The following ASXL1 variants were observed in gnomAD, a reference collection of about 807,000 sequenced individuals.
ASXL1 encodes ASXL transcriptional regulator 1.
ASXL1 carries 65 observed loss-of-function variants against 89.1 expected under a neutral mutation model. The observed-to-expected ratio is 0.73, with a 90% CI of 0.60 to 0.90. The LOEUF (loss-of-function observed/expected upper bound fraction) is 0.90, where lower values mean the gene tolerates loss of function less well. Ranked by LOEUF, ASXL1 falls within the 40% of genes least tolerant of loss-of-function variation. The pLI, the probability that ASXL1 is intolerant of heterozygous loss-of-function variation, is 0.00. For synonymous variants in ASXL1, 739 were observed against 746.9 expected (o/e 0.99, Z 0.17); for missense variants, 1,786 against 1,942.9 (o/e 0.92, Z 1.52).
chr20:32,367,182 G>T (rs2048219487), intron 2 of ASXL1, among the ~76,000 whole-genome samples: 1 of 151,726 alleles, frequency 6.6e-6, no homozygotes, highest in Non-Finnish European at 1.5e-5. Context: ...TTCGAGACCA[G>T]CCTGGCCAAC....
chr20:32,429,530 G>C lies in ASXL1; in HGVS notation c.565+99G>C. On this transcript the variant is annotated intron_variant, in intron 7 of 12. Transcript: ENST00000375687. This position sits in a 1 kb window ranked among gnomAD's most constrained non-coding sequence, Gnocchi z 4.9. Reference sequence around the variant, plus strand: ...CTGACCTAATAGTGCGATACTAGGAGAGCTGTCGGGCCACAGGCAAGAGCC... The same window carrying C: ...CTGACCTAATAGTGCGATACTAGGACAGCTGTCGGGCCACAGGCAAGAGCC... 7.9e-7 allele frequency: 1 copy of C among 1,259,066 alleles called. No individual in the cohort carries two copies. The highest frequency in any genetic ancestry group is 1.2e-6 in the Non-Finnish European group (1 of 869,152). 78.0% of individuals were successfully genotyped at this position (1,259,066 alleles called of 1,614,324 possible). A position where few individuals can be genotyped will look rare whatever the true frequency, so the allele number is the denominator to read the frequency against.
At chr20:32,369,718 C>CTTT (rs386393629) in intron 4 of ASXL1, among the ~76,000 whole-genome samples, 29,519 of 94,520 alleles carry the variant, frequency 0.31, 5,823 homozygotes, top group East Asian at 0.64. Context: ...GCAGATGTGC[C>CTTT]TTTTTTTTTT....
At chr20:32,433,951 G>C (rs754367572) in intron 12 of ASXL1, 34 bp downstream of exon 12, 1 of 1,610,768 alleles carries the variant, frequency 6.2e-7, no homozygotes, top group South Asian at 1.1e-5. Flanking sequence ...CTGCCCTGGA[G>C]CCAGGTTTTC....
chr20:32,407,377 C>G (rs2048973666), intron 4 of ASXL1, among the ~76,000 whole-genome samples: 1 of 152,110 alleles, frequency 6.6e-6, no homozygotes, highest in South Asian at 2.1e-4. Context: ...TATATGTATA[C>G]ACACACATAT....
chr20:32,412,198 GTTTCATTCT>G (rs1411729735), intron 4 of ASXL1, among the ~76,000 whole-genome samples: 2 of 152,124 alleles, frequency 1.3e-5, no homozygotes, highest in Non-Finnish European at 2.9e-5. Context: ...CTTACTGGGG[GTTTCATTCT>G]AACTTTACCT....
At chr20:32,433,248 T>C (rs1368357935) in intron 11 of ASXL1, 36 bp from the exon 12 acceptor site, 1 of 1,613,960 alleles carries the variant, frequency 6.2e-7, no homozygotes, top group Non-Finnish European at 8.5e-7. Context: ...ATGTCCACTC[T>C]GGCCTGAAAC....
intron 3 of ASXL1, 52 bp downstream of exon 3, chr20:32,367,781 G>A (rs1310335780): frequency 1.3e-6 from 1 of 780,138 alleles, no homozygotes; most frequent in Non-Finnish European, 2.4e-6. Flanking sequence ...ACTTGTTTCT[G>A]CTTCTTGTTC....
At position 32,433,701 on chromosome 20, in the gene ASXL1, T is replaced by G. The variant is rs1198261193; in HGVS notation, c.1503T>G (p.Ser501=). ...AGCCAGACAACTTGGCACGTGCCTC[T>G]GCATCTCCAGACAGAATTCCTAGCC... ...QAEPDNLARA[S]ASPDRIPSLP... The change falls in exon 12 of 13, where the codon TCT becomes TCG. Residue 501 remains serine, a synonymous_variant. Transcript: ENST00000375687. 2 of 1,612,048 alleles carry G rather than the reference T, an allele frequency of 1.2e-6. No homozygotes were observed. Among genetic ancestry groups the G allele is most frequent in the Admixed American group, 3.3e-5 (2 of 59,896 alleles).
At chr20:32,389,859 C>T (rs2048642114) in intron 4 of ASXL1, among the ~76,000 whole-genome samples, 1 of 152,214 alleles carries the variant, frequency 6.6e-6, no homozygotes, top group Admixed American at 6.5e-5. Context: ...TGAGCCACCA[C>T]GCCCAGCCAA....
intron 4 of ASXL1, chr20:32,427,699 C>T (rs1039741297): frequency 2.0e-5 from 5 of 250,782 alleles, no homozygotes; most frequent in Non-Finnish European, 3.9e-5. Flanking sequence ...ACCTCCATGC[C>T]GTCTTTCGCT....
At chr20:32,398,606 T>TTTTTTTTTTGTTTG (rs1161696054) in intron 4 of ASXL1, among the ~76,000 whole-genome samples, 2 of 147,838 alleles carry the variant, frequency 1.4e-5, no homozygotes, top group South Asian at 2.1e-4. Flanking sequence ...TTTGTTTGTT[T>TTTTTTTTTTGTTTG]TTTTTTTTGT....
chr20:32,369,417 T>A (rs2048260596), intron 4 of ASXL1, among the ~76,000 whole-genome samples: 1 of 151,788 alleles, frequency 6.6e-6, no homozygotes, highest in South Asian at 2.1e-4. Context: ...CTCGGCTAAT[T>A]TTTTTATTTT....
intron 4 of ASXL1, among the ~76,000 whole-genome samples, chr20:32,404,401 T>A (rs1216251162): frequency 1.3e-5 from 2 of 152,244 alleles, no homozygotes; most frequent in Non-Finnish European, 2.9e-5. Context: ...TTTGGTAAAC[T>A]ATTATAAATG....
At chr20:32,406,974 T>C (rs562583614) in intron 4 of ASXL1, among the ~76,000 whole-genome samples, 24 of 152,116 alleles carry the variant, frequency 1.6e-4, no homozygotes, top group Non-Finnish European at 2.6e-4. Flanking sequence ...AAGGGAAGAC[T>C]AGTTTGGGGG....
At chr20:32,422,925 CATT>C in intron 4 of ASXL1, among the ~76,000 whole-genome samples, 1 of 152,020 alleles carries the variant, frequency 6.6e-6, no homozygotes, top group East Asian at 1.9e-4. Flanking sequence ...AAAGATCACC[CATT>C]ATTAATTTTT....
Position 32,435,313 on chromosome 20 carries a change from GC to G in ASXL1, c.2602del (p.Gly869ValfsTer7). Reference sequence around the variant, plus strand: ...ACAGAGCATTTGATGACGAATTAGGGCTTGGTGGCTCATGCCCTCCTATGAG... The same window carrying G: ...ACAGAGCATTTGATGACGAATTAGGGTTGGTGGCTCATGCCCTCCTATGAG... ...QNRAFDDELG[L>X]GGSCPPMRES... On this transcript the variant is annotated frameshift_variant, in exon 13 of 13. Coordinates refer to ENST00000375687, the MANE Select transcript of ASXL1 (RefSeq NM_015338.6). LOFTEE classifies it low-confidence loss of function (END_TRUNC). The G allele has an allele frequency of 6.2e-7, 1 of 1,614,158 alleles. No individual in the cohort carries two copies. The highest frequency in any genetic ancestry group is 8.5e-7 in the Non-Finnish European group (1 of 1,180,020).
chr20:32,418,758 C>T (rs1199045437), intron 4 of ASXL1, among the ~76,000 whole-genome samples: 2 of 138,958 alleles, frequency 1.4e-5, no homozygotes, highest in Non-Finnish European at 3.1e-5. Flanking sequence ...GTGTTGAGAG[C>T]TTTATTGGAA....
intron 4 of ASXL1, among the ~76,000 whole-genome samples, chr20:32,422,451 A>G (rs984413435): frequency 2.8e-5 from 4 of 144,258 alleles, no homozygotes; most frequent in African/African-American, 1.0e-4. Flanking sequence ...CAGCATTACC[A>G]TCTAGTATGC....
At position 32,438,359 on chromosome 20, in the gene ASXL1, C is replaced by T. The variant is rs541618066; in HGVS notation, c.*1021C>T. ...TATTGTACAGAGAACATGAACGTCT[C>T]TTCCTAATTTTACATCTTCAGCATC... On this transcript the variant is annotated 3_prime_UTR_variant, in exon 13 of 13. Coordinates refer to ENST00000375687, the MANE Select transcript of ASXL1 (RefSeq NM_015338.6). The T allele has an allele frequency of 4.3e-6, 1 of 233,530 alleles. No individual in the cohort carries two copies. The highest frequency in any genetic ancestry group is 1.8e-4 in the South Asian group (1 of 5,526). The allele number at this position is 233,530 out of a possible 1,614,324, so 14.5% of individuals were successfully genotyped here. A position where few individuals can be genotyped will look rare whatever the true frequency, so the allele number is the denominator to read the frequency against.
Sources: allele counts gnomAD v4.1 joint callset (sites outside exome capture counted in the v4.1 genomes callset), GRCh38; gene constraint gnomAD v4.1.1; non-coding constraint Gnocchi (gnomAD v3.1); transcripts MANE v1.5; gene names NCBI Gene and HGNC (gene_info 2026-07-23, HGNC 2026-07-21).